The following CACNB2 variants were observed in gnomAD, a reference collection of about 807,000 sequenced individuals.
The protein encoded by CACNB2 is voltage-dependent L-type calcium channel subunit beta-2.
Under a neutral mutation model 73.3 loss-of-function variants are expected in CACNB2, and 42 were observed. That is an observed-to-expected ratio of 0.57 (90% CI 0.45 to 0.74). The LOEUF (loss-of-function observed/expected upper bound fraction) is 0.74, where lower values mean the gene tolerates loss of function less well. Ranked by LOEUF, CACNB2 falls within the 30% of genes least tolerant of loss-of-function variation. CACNB2 has a pLI of 0.00. For synonymous variants in CACNB2, 348 were observed against 310.3 expected (o/e 1.12, Z -1.28); for missense variants, 940 against 853.0 (o/e 1.10, Z -1.27).
rs573857863 is a variant in CACNB2 at position 18,472,210 on chromosome 10, C to T, written c.334-26145C>T. On this transcript the variant is annotated intron_variant, in intron 3 of 13. Transcript: ENST00000324631. Reference sequence around the variant, plus strand: ...AGTCTCAATTCCTTTAATATCCGGCCCACTTTTCTTCTTTTTTTTTTTTTT... The same window carrying T: ...AGTCTCAATTCCTTTAATATCCGGCTCACTTTTCTTCTTTTTTTTTTTTTT... Among the ~76,000 whole-genome samples, 66 of 144,540 alleles carry T rather than the reference C, an allele frequency of 4.6e-4. No homozygotes were observed. The South Asian group carries it at 0.014, about 30-fold the overall frequency. The allele number at this position is 144,540 out of a possible 152,430, so 94.8% of individuals were successfully genotyped here.
At position 18,316,033 on chromosome 10, in the gene CACNB2, T is replaced by C. The variant is rs1490563802; in HGVS notation, c.214-85891T>C. ...AGTCACAGGTTTTAGTAACTTCTAG[T>C]AATGGCTGTATTTGACAACTGACTC... On this transcript the variant is annotated intron_variant, in intron 2 of 13. Coordinates refer to ENST00000324631, the MANE Select transcript of CACNB2 (RefSeq NM_201596.3). Among the ~76,000 whole-genome samples, 3 of 152,192 alleles carry C rather than the reference T, an allele frequency of 2.0e-5. No individual in the cohort carries two copies. In the East Asian group the frequency reaches 5.8e-4, roughly 29 times the overall value.
rs181383952 is a variant in CACNB2 at position 18,258,847 on chromosome 10, A to T, written c.213+107872A>T. On this transcript the variant is annotated intron_variant, in intron 2 of 13. Transcript: ENST00000324631. ...CTTTAAAAAATCAAATTGAAGTCCT[A>T]CCTACTTGGAATATATCATGTATGG... is the stretch of plus-strand genomic sequence containing the variant. 4.6e-3 allele frequency among the ~76,000 whole-genome samples: 693 copies of T among 151,724 alleles called. 5 individuals carry two copies. The highest frequency in any genetic ancestry group is 0.015 in the African/African-American group (637 of 41,462).
At chr10:18,290,112 CTTTTTTTTTTT>C (rs992393946) in intron 2 of CACNB2, among the ~76,000 whole-genome samples, 47 of 50,146 alleles carry the variant, frequency 9.4e-4, no homozygotes, top group South Asian at 5.8e-3. Flanking sequence ...TTTTCTTTTT[CTTTTTTTTTTT>C]TTTTTTTTTT....
intron 3 of CACNB2, among the ~76,000 whole-genome samples, chr10:18,460,566 G>A (rs977771433): frequency 6.6e-6 from 1 of 151,918 alleles, no homozygotes; most frequent in African/African-American, 2.4e-5. Flanking sequence ...AGGTTAAAAA[G>A]TCTTTGAAAC....
At chr10:18,188,044 G>C (rs1564328729) in intron 2 of CACNB2, among the ~76,000 whole-genome samples, 1 of 152,046 alleles carries the variant, frequency 6.6e-6, no homozygotes, top group Non-Finnish European at 1.5e-5. Flanking sequence ...GGTGACATTT[G>C]TATACTGTTT....
intron 3 of CACNB2, among the ~76,000 whole-genome samples, chr10:18,488,307 C>T (rs1233433099): frequency 6.6e-6 from 1 of 150,900 alleles, no homozygotes; most frequent in African/African-American, 2.4e-5. Flanking sequence ...AACCCCGTCT[C>T]TACTAAAAAT....
intron 2 of CACNB2, among the ~76,000 whole-genome samples, chr10:18,399,282 G>T (rs1341183226): frequency 1.3e-5 from 2 of 152,184 alleles, no homozygotes; most frequent in Admixed American, 1.3e-4. Context: ...CCTACCAGGT[G>T]TGTATGTGTT....
At chr10:18,356,001 C>A (rs753887619) in intron 2 of CACNB2, among the ~76,000 whole-genome samples, 2 of 152,098 alleles carry the variant, frequency 1.3e-5, no homozygotes, top group Admixed American at 6.6e-5. Context: ...ATGCAAAAAA[C>A]CCCACAACTT....
At chr10:18,165,824 G>A (rs1162073613) in intron 2 of CACNB2, among the ~76,000 whole-genome samples, 3 of 152,042 alleles carry the variant, frequency 2.0e-5, no homozygotes, top group Non-Finnish European at 2.9e-5. Flanking sequence ...CATTTTAAAG[G>A]GCAGTATGTT....
intron 2 of CACNB2, among the ~76,000 whole-genome samples, chr10:18,282,351 G>A (rs1012345494): frequency 1.1e-4 from 16 of 152,198 alleles, no homozygotes; most frequent in Admixed American, 1.0e-3. Flanking sequence ...AGAGGTGTCT[G>A]CTGCAAATCT....
At chr10:18,467,253 A>G (rs1012032255) in intron 3 of CACNB2, among the ~76,000 whole-genome samples, 82 of 152,336 alleles carry the variant, frequency 5.4e-4, no homozygotes, top group African/African-American at 1.4e-3. Flanking sequence ...TGAAATAATA[A>G]ATTCACTTTG....
At chr10:18,265,504 C>T (rs941898590) in intron 2 of CACNB2, among the ~76,000 whole-genome samples, 1 of 152,126 alleles carries the variant, frequency 6.6e-6, no homozygotes. Flanking sequence ...TCTGTCTTTT[C>T]AGGCATTTTC....
intron 3 of CACNB2, among the ~76,000 whole-genome samples, chr10:18,448,751 G>A (rs1251137768): frequency 6.6e-6 from 1 of 152,178 alleles, no homozygotes; most frequent in Non-Finnish European, 1.5e-5. Context: ...GTCAAGGTGT[G>A]CCCTGGGAGA....
intron 3 of CACNB2, among the ~76,000 whole-genome samples, chr10:18,434,680 C>T (rs2132865726): frequency 6.6e-6 from 1 of 152,270 alleles, no homozygotes; most frequent in African/African-American, 2.4e-5. Flanking sequence ...AGGTTATAGG[C>T]ATGAGTCATT....
At chr10:18,523,623 G>A (rs2052147235) in intron 9 of CACNB2, among the ~76,000 whole-genome samples, 2 of 152,104 alleles carry the variant, frequency 1.3e-5, no homozygotes, top group Admixed American at 1.3e-4. Context: ...GAGTCCATAA[G>A]GCAGAATTTA....
intron 7 of CACNB2, among the ~76,000 whole-genome samples, chr10:18,517,988 T>A (rs2051448189): frequency 6.6e-6 from 1 of 152,226 alleles, no homozygotes; most frequent in African/African-American, 2.4e-5. Flanking sequence ...AAAAGCAATA[T>A]TAACTTCTAG....
chr10:18,377,360 T>C (rs1041371794), intron 2 of CACNB2, among the ~76,000 whole-genome samples: 2 of 152,224 alleles, frequency 1.3e-5, no homozygotes, highest in African/African-American at 4.8e-5. Flanking sequence ...TAATATTATG[T>C]CTGGTGTATC....
chr10:18,314,116 G>T (rs2040064233), intron 2 of CACNB2, among the ~76,000 whole-genome samples: 3 of 151,914 alleles, frequency 2.0e-5, no homozygotes, highest in African/African-American at 7.3e-5. Flanking sequence ...TTGGACACAC[G>T]TATACATGGA....
chr10:18,486,325 T>C (rs769314097), intron 3 of CACNB2, among the ~76,000 whole-genome samples: 1 of 152,230 alleles, frequency 6.6e-6, no homozygotes. Flanking sequence ...AAGCTAGAAC[T>C]ATAGTGCCAT....
Sources: allele counts gnomAD v4.1 joint callset (sites outside exome capture counted in the v4.1 genomes callset), GRCh38; gene constraint gnomAD v4.1.1; transcripts MANE v1.5; gene names NCBI Gene and HGNC (gene_info 2026-07-23, HGNC 2026-07-21).